The following DGKB variants were observed in gnomAD, a reference collection of about 807,000 sequenced individuals.
The protein encoded by DGKB is 90 kDa diacylglycerol kinase.
Under a neutral mutation model 114.3 loss-of-function variants are expected in DGKB, and 67 were observed. The observed-to-expected ratio is 0.59, with a 90% CI of 0.48 to 0.72. The LOEUF is 0.72. DGKB is among the 30% of genes least tolerant of loss of function. DGKB has a pLI of 0.00. For synonymous variants in DGKB, 398 were observed against 323.1 expected, an observed-to-expected ratio of 1.23 and a Z score of -2.49; for missense variants, 907 against 975.2, an observed-to-expected ratio of 0.93 and a Z score of 0.93.
intron 23 of DGKB, among the ~76,000 whole-genome samples, chr7:14,253,250 G>A (rs1199273285): frequency 6.6e-6 from 1 of 152,040 alleles, no homozygotes; most frequent in Non-Finnish European, 1.5e-5. Context: ...GGCCAGGCTG[G>A]TCTCGAACTC....
chr7:14,923,712 T>C (rs996190795), intron 1 of DGKB, among the ~76,000 whole-genome samples: 1 of 152,078 alleles, frequency 6.6e-6, no homozygotes, highest in Non-Finnish European at 1.5e-5. Context: ...AGCTTTGTCC[T>C]GGCCGGGCAC....
At chr7:14,764,771 C>G (rs1284964157) in intron 2 of DGKB, among the ~76,000 whole-genome samples, 2 of 150,824 alleles carry the variant, frequency 1.3e-5, no homozygotes, top group Non-Finnish European at 3.0e-5. Context: ...AAAAAAAAAA[C>G]CTCATGAGAA....
At chr7:14,826,807 A>G (rs1312009909) in intron 2 of DGKB, among the ~76,000 whole-genome samples, 1 of 152,168 alleles carries the variant, frequency 6.6e-6, no homozygotes, top group Non-Finnish European at 1.5e-5. Context: ...GCATAATGTG[A>G]CCTATAATAA....
chr7:14,842,022 A>T (rs1848006068), intron 1 of DGKB, among the ~76,000 whole-genome samples: 1 of 152,240 alleles, frequency 6.6e-6, no homozygotes, highest in Non-Finnish European at 1.5e-5. Flanking sequence ...CTTTAAAATA[A>T]ATCTCTAGGT....
chr7:14,738,970 C>T (rs1293315511), intron 4 of DGKB, among the ~76,000 whole-genome samples: 1 of 152,202 alleles, frequency 6.6e-6, no homozygotes, highest in Non-Finnish European at 1.5e-5. Flanking sequence ...TACTTCCACT[C>T]ACCACCTAAC....
chr7:14,506,335 G>A (rs1463399951), intron 20 of DGKB, among the ~76,000 whole-genome samples: 3 of 151,956 alleles, frequency 2.0e-5, no homozygotes, highest in Non-Finnish European at 4.4e-5. Context: ...AAGGCAAAAT[G>A]GAAAATTCCT....
intron 2 of DGKB, among the ~76,000 whole-genome samples, chr7:14,784,934 G>T (rs1232790052): frequency 6.6e-6 from 1 of 151,538 alleles, no homozygotes; most frequent in East Asian, 1.9e-4. Context: ...AATATGTCTA[G>T]TCTGCCACAC....
rs1554520195 is a variant in DGKB, at chr7:14,573,505, G to GTT, written c.1770+706_1770+707insAA. Among the ~76,000 whole-genome samples, 3 of 140,940 alleles carry GTT rather than the reference G, an allele frequency of 2.1e-5. No homozygotes were observed. In the South Asian group the frequency reaches 6.8e-4, roughly 32 times the overall value. The allele number at this position is 140,940 out of a possible 152,430, so 92.5% of individuals were successfully genotyped here. A position where few individuals can be genotyped will look rare whatever the true frequency, so the allele number is the denominator to read the frequency against. ...TGTGTGTGTGTGTGTGTGTGTGTGTGTATGAGATGTGACATGACATAAAAT... is the reference window on the plus strand; with the variant it reads ...TGTGTGTGTGTGTGTGTGTGTGTGTGTTTATGAGATGTGACATGACATAAAAT... On this transcript the variant is annotated intron_variant, in intron 20 of 25. Transcript: ENST00000402815.
chr7:14,418,690 A>T (rs1826180375), intron 21 of DGKB, among the ~76,000 whole-genome samples: 1 of 151,926 alleles, frequency 6.6e-6, no homozygotes, highest in Admixed American at 6.6e-5. Flanking sequence ...CAGTCAAAAC[A>T]TCTAGGTTTA....
chr7:14,822,514 GTTAAAACTA>G, intron 2 of DGKB, among the ~76,000 whole-genome samples: 1 of 152,250 alleles, frequency 6.6e-6, no homozygotes, highest in South Asian at 2.1e-4. Flanking sequence ...AGGTAATGAA[GTTAAAACTA>G]TTGACCATTA....
intron 20 of DGKB, among the ~76,000 whole-genome samples, chr7:14,485,923 A>G (rs1183944306): frequency 1.3e-5 from 2 of 151,850 alleles, no homozygotes; most frequent in African/African-American, 4.8e-5. Flanking sequence ...ACACCTTTGT[A>G]TGAAGGTGGC....
intron 1 of DGKB, among the ~76,000 whole-genome samples, chr7:14,885,634 T>C (rs1854940476): frequency 1.3e-5 from 2 of 151,944 alleles, no homozygotes; most frequent in African/African-American, 4.8e-5. Context: ...AAAATTATTC[T>C]ATTATTAATA....
At chr7:14,415,648 A>T (rs1825608878) in intron 21 of DGKB, among the ~76,000 whole-genome samples, 1 of 151,860 alleles carries the variant, frequency 6.6e-6, no homozygotes, top group Admixed American at 6.6e-5. Flanking sequence ...TATGTGCCAC[A>T]TTTTCTTAAT....
At position 14,477,238 on chromosome 7, in the gene DGKB, A is replaced by T. The variant is rs190553721; in HGVS notation, c.1835+923T>A. On this transcript the variant is annotated intron_variant, in intron 21 of 25. Coordinates refer to ENST00000402815, the MANE Select transcript of DGKB (RefSeq NM_001350709.2). The stretch of plus-strand genomic sequence containing the variant: ...ACATGGGAGAAGATTACATCAATGT[A>T]CTCATGAGTGACAAAACTGAAATAA... Among the ~76,000 whole-genome samples the T allele has an allele frequency of 7.2e-5, 11 of 152,350 alleles. No homozygotes were observed. The East Asian group carries it at 1.9e-3, about 27-fold the overall frequency.
chr7:14,181,793 G>A (rs915162903), intron 23 of DGKB, among the ~76,000 whole-genome samples: 9 of 152,162 alleles, frequency 5.9e-5, no homozygotes, highest in Non-Finnish European at 1.3e-4. Context: ...GTATACTTTT[G>A]AAGGAAAACA....
At chr7:14,408,947 A>G (rs1194194235) in intron 21 of DGKB, among the ~76,000 whole-genome samples, 5 of 152,300 alleles carry the variant, frequency 3.3e-5, no homozygotes, top group East Asian at 3.9e-4. Context: ...AGTTTAGTTT[A>G]TCATTTACTA....
intron 20 of DGKB, among the ~76,000 whole-genome samples, chr7:14,570,157 C>A (rs965310861): frequency 6.7e-6 from 1 of 149,922 alleles, no homozygotes; most frequent in Non-Finnish European, 1.5e-5. Flanking sequence ...TGTTTTTCAC[C>A]ATATGTTGTT....
intron 20 of DGKB, among the ~76,000 whole-genome samples, chr7:14,527,965 A>C (rs1790910873): frequency 6.6e-6 from 1 of 152,122 alleles, no homozygotes. Context: ...GGAAATTTTT[A>C]GTGTGTGAAC....
intron 23 of DGKB, among the ~76,000 whole-genome samples, chr7:14,313,569 TC>T (rs1422738260): frequency 9.2e-5 from 14 of 152,182 alleles, no homozygotes; most frequent in African/African-American, 2.4e-4. Flanking sequence ...ACTGCGCTTT[TC>T]CGACGGGCTT....
Sources: allele counts gnomAD v4.1 joint callset (sites outside exome capture counted in the v4.1 genomes callset), GRCh38; gene constraint gnomAD v4.1.1; transcripts MANE v1.5; gene names NCBI Gene and HGNC (gene_info 2026-07-23, HGNC 2026-07-21).